The following RNF121 variants were observed in gnomAD, a reference collection of about 807,000 sequenced individuals.
RNF121 encodes the protein E3 ubiquitin ligase RNF121.
Under a neutral mutation model 46.5 loss-of-function variants are expected in RNF121, and 21 were observed. The ratio of observed to expected loss-of-function variants is 0.45; its 90% confidence interval spans 0.32 to 0.65. RNF121 has a LOEUF of 0.65. Ranked by LOEUF, RNF121 falls within the 30% of genes least tolerant of loss-of-function variation. RNF121 has a pLI of 0.04. For synonymous variants in RNF121, 139 were observed against 144.7 expected, an observed-to-expected ratio of 0.96 and a Z score of 0.28; for missense variants, 346 against 416.0, an observed-to-expected ratio of 0.83 and a Z score of 1.46.
chr11:71,994,588 T>C (rs1367069734), intron 6 of RNF121, 131 bp from the exon 7 acceptor site: 1 of 971,764 alleles, frequency 1.0e-6, no homozygotes, highest in South Asian at 1.6e-5. Context: ...AAAAAAAAGA[T>C]GTCCTCTAAC....
At chr11:71,962,299 C>T in intron 3 of RNF121, 1 of 984,306 alleles carries the variant, frequency 1.0e-6, no homozygotes, top group Non-Finnish European at 1.2e-6. Context: ...AGTGAGTATG[C>T]ATATATGCAC....
intron 3 of RNF121, among the ~76,000 whole-genome samples, chr11:71,982,473 A>G (rs192868800): frequency 6.6e-6 from 1 of 152,276 alleles, no homozygotes; most frequent in African/African-American, 2.4e-5. Context: ...CACTGAATGC[A>G]GGGAGACTAA....
chr11:71,972,185 G>C (rs6592453), intron 3 of RNF121, among the ~76,000 whole-genome samples: 135,076 of 152,100 alleles, frequency 0.89, 60,233 homozygotes, highest in Non-Finnish European at 0.94. Context: ...GCAATAAACA[G>C]TTTGCATGAA....
chr11:71,958,889 T>G lies in RNF121; in HGVS notation c.101+1625T>G, dbSNP rs1954058279. Among the ~76,000 whole-genome samples the G allele has an allele frequency of 2.0e-5, 3 of 152,236 alleles. No individual in the cohort carries two copies. In the South Asian group the frequency reaches 6.2e-4, roughly 32 times the overall value. ...CTCTGGTCTTTTCTAGATCATTCTT[T>G]GACTTCATTTTGTGCACATCCGTTC... On this transcript the variant is annotated intron_variant, in intron 2 of 8. Coordinates refer to ENST00000361756, the MANE Select transcript of RNF121 (RefSeq NM_018320.5).
chr11:71,974,960 G>A (rs568632489), intron 3 of RNF121, among the ~76,000 whole-genome samples: 1 of 152,280 alleles, frequency 6.6e-6, no homozygotes, highest in South Asian at 2.1e-4. Context: ...AGCTCCTTCA[G>A]GGATGTTAGG....
At chr11:71,949,347 A>G (rs574767209) in intron 1 of RNF121, among the ~76,000 whole-genome samples, 3 of 151,746 alleles carry the variant, frequency 2.0e-5, no homozygotes, top group South Asian at 2.1e-4. Flanking sequence ...AGGCCTGGAA[A>G]GTCGACACTG....
At chr11:71,990,941 C>G (rs1954852966) in intron 6 of RNF121, 1 of 562,460 alleles carries the variant, frequency 1.8e-6, no homozygotes, top group Non-Finnish European at 3.1e-6. Flanking sequence ...CAGCTGGAGG[C>G]CTTTATCATA....
intron 1 of RNF121, among the ~76,000 whole-genome samples, chr11:71,938,432 G>C (rs973564755): frequency 8.6e-5 from 12 of 139,952 alleles, no homozygotes; most frequent in Non-Finnish European, 1.2e-4. Context: ...CGATTCTTCT[G>C]CCTCAGCCTC....
At chr11:71,987,234 G>A (rs1414147201) in intron 5 of RNF121, 123 bp downstream of exon 5, 2 of 660,704 alleles carry the variant, frequency 3.0e-6, no homozygotes, top group African/African-American at 3.6e-5. Flanking sequence ...GGAGACTTGG[G>A]TGCTGTGGGG....
chr11:71,984,519 A>G (rs1347284778), intron 4 of RNF121, among the ~76,000 whole-genome samples: 2 of 151,866 alleles, frequency 1.3e-5, no homozygotes, highest in African/African-American at 4.8e-5. Context: ...TGACCTCATG[A>G]TCTGCCTGCC....
chr11:71,949,671 AC>A (rs1953815676), intron 1 of RNF121, among the ~76,000 whole-genome samples: 1 of 151,958 alleles, frequency 6.6e-6, no homozygotes. Flanking sequence ...CTGCACTCCA[AC>A]CTAGGTGACA....
rs532684308 is a variant in RNF121, at chr11:71,996,210, C to T, written c.879C>T (p.His293=). The change falls in exon 9 of 9, where the codon CAC becomes CAT. Residue 293 remains histidine (H), a synonymous_variant. Coordinates refer to ENST00000361756, the MANE Select transcript of RNF121 (RefSeq NM_018320.5). ...ACACTGACAGCTGGGAGAGGCCTCA[C>T]GTCATGTATGGGCAACTGCTGGACT... The part of the protein sequence containing the change: ...RMFSNPWERP[H]VMYGQLLDWL... 9.9e-6 allele frequency: 16 copies of T among 1,614,118 alleles called. No homozygotes were observed. Among genetic ancestry groups the T allele is most frequent in the South Asian group, 2.2e-5 (2 of 91,082 alleles).
At chr11:71,944,328 G>T (rs998626892) in intron 1 of RNF121, among the ~76,000 whole-genome samples, 1 of 151,876 alleles carries the variant, frequency 6.6e-6, no homozygotes, top group Non-Finnish European at 1.5e-5. Context: ...GCGAGACTCT[G>T]TCTCAAAAAA....
At chr11:71,958,008 G>A (rs1287725378) in intron 2 of RNF121, among the ~76,000 whole-genome samples, 1 of 152,202 alleles carries the variant, frequency 6.6e-6, no homozygotes, top group Non-Finnish European at 1.5e-5. Context: ...GACAAACCCA[G>A]TGTGATTTTA....
chr11:71,938,269 A>G (rs534744895), intron 1 of RNF121, among the ~76,000 whole-genome samples: 10 of 147,450 alleles, frequency 6.8e-5, no homozygotes, highest in Non-Finnish European at 1.2e-4. Context: ...AGTGCGTACT[A>G]TGTGCCAGGC....
chr11:71,974,555 C>T (rs909066536), intron 3 of RNF121, among the ~76,000 whole-genome samples: 2 of 152,182 alleles, frequency 1.3e-5, no homozygotes, highest in African/African-American at 4.8e-5. Flanking sequence ...TTGCTGGGAA[C>T]ACATGACCAT....
chr11:71,984,375 G>A (rs1017710693), intron 4 of RNF121, among the ~76,000 whole-genome samples: 1 of 151,894 alleles, frequency 6.6e-6, no homozygotes, highest in Admixed American at 6.6e-5. Flanking sequence ...CGCCTCCTGG[G>A]TTCACACCAT....
At chr11:71,975,562 C>G (rs1590803235) in intron 3 of RNF121, among the ~76,000 whole-genome samples, 1 of 152,172 alleles carries the variant, frequency 6.6e-6, no homozygotes, top group Non-Finnish European at 1.5e-5. Flanking sequence ...GTCACCAGCC[C>G]TTACTCCATT....
Position 71,997,255 on chromosome 11 carries a change from T to G in RNF121, c.*940T>G, listed in dbSNP as rs1447537466. On this transcript the variant is annotated 3_prime_UTR_variant, in exon 9 of 9. Coordinates refer to ENST00000361756, the MANE Select transcript of RNF121 (RefSeq NM_018320.5). ...GTGAGGCAGAAGAATATGACAGATG[T>G]CAGCTTCTCCCTGTGTCAGATGATA... 1.3e-5 allele frequency: 2 copies of G among 152,164 alleles called. No individual in the cohort carries two copies. Among genetic ancestry groups the G allele is most frequent in the Admixed American group, 1.3e-4 (2 of 15,276 alleles). The allele number at this position is 152,164 out of a possible 1,614,324, so 9.4% of individuals were successfully genotyped here.
Sources: gnomAD v4.1 joint callset for allele counts (sites outside exome capture counted in the v4.1 genomes callset) on GRCh38, gnomAD v4.1.1 for gene constraint, MANE v1.5 for transcripts, NCBI Gene and HGNC (gene_info 2026-07-23, HGNC 2026-07-21) for gene names.